Variants in BAZ2B observed in about 807,000 individuals in gnomAD.
BAZ2B encodes bromodomain adjacent to zinc finger domain protein 2B.
Under a neutral mutation model 246.0 loss-of-function variants are expected in BAZ2B, and 91 were observed. The observed-to-expected ratio is 0.37, with a 90% CI of 0.31 to 0.44. The LOEUF (loss-of-function observed/expected upper bound fraction) is 0.44, where lower values mean the gene tolerates loss of function less well. BAZ2B is among the 20% of genes least tolerant of loss of function. The pLI is 1.00. For missense variants in BAZ2B, 2,332 were observed against 2,533.7 expected (o/e 0.92, Z 1.71); for synonymous variants, 855 against 860.0 (o/e 0.99, Z 0.10).
intron 1 of BAZ2B, among the ~76,000 whole-genome samples, chr2:159,577,130 A>G (rs1437361747): frequency 2.0e-5 from 3 of 149,460 alleles, no homozygotes; most frequent in Non-Finnish European, 4.4e-5. Flanking sequence ...CGGAAGGCTG[A>G]GGCAGGAGGA....
intron 27 of BAZ2B, among the ~76,000 whole-genome samples, chr2:159,353,774 A>G (rs930511119): frequency 2.0e-5 from 3 of 152,326 alleles, no homozygotes; most frequent in Admixed American, 6.5e-5. Context: ...ACTCAGAAGG[A>G]TCTTGCTTTA....
chr2:159,625,837 A>C, the BAZ2B span, among the ~76,000 whole-genome samples: 1 of 152,168 alleles, frequency 6.6e-6, no homozygotes, highest in East Asian at 1.9e-4. Flanking sequence ...CTAAACTTAA[A>C]TGTAAACAGG....
At chr2:159,378,669 T>C (rs2061665670) in intron 25 of BAZ2B, among the ~76,000 whole-genome samples, 1 of 151,946 alleles carries the variant, frequency 6.6e-6, no homozygotes, top group Non-Finnish European at 1.5e-5. Flanking sequence ...AGTGAAGACA[T>C]ACAAATGGCC....
chr2:159,663,443 T>C, the BAZ2B span, among the ~76,000 whole-genome samples: 3 of 152,092 alleles, frequency 2.0e-5, no homozygotes, highest in East Asian at 3.9e-4. Context: ...CCTCAGGTGA[T>C]CCTCCCGCCT....
At chr2:159,574,691 A>G (rs1272828485) in intron 1 of BAZ2B, among the ~76,000 whole-genome samples, 1 of 152,250 alleles carries the variant, frequency 6.6e-6, no homozygotes, top group Non-Finnish European at 1.5e-5. Flanking sequence ...ATTTGGTAAG[A>G]AAATGAAATG....
chr2:159,430,220 C>T (rs944529914), intron 10 of BAZ2B, among the ~76,000 whole-genome samples: 1 of 152,110 alleles, frequency 6.6e-6, no homozygotes, highest in African/African-American at 2.4e-5. Context: ...CCTCTGCCAC[C>T]CATGAAACAG....
the BAZ2B span, among the ~76,000 whole-genome samples, chr2:159,710,332 C>T: frequency 6.6e-6 from 1 of 151,902 alleles, no homozygotes; most frequent in African/African-American, 2.4e-5. Flanking sequence ...CCTCAGCCTC[C>T]CAAGTAGCAG....
chr2:159,534,131 G>A (rs78083261), intron 2 of BAZ2B, among the ~76,000 whole-genome samples: 4,748 of 152,124 alleles, frequency 0.031, 250 homozygotes, highest in African/African-American at 0.11. Context: ...AAATACATGG[G>A]GGACTTATAA....
Position 159,331,800 on chromosome 2 carries a change from G to T in BAZ2B, c.5943+740C>A, listed in dbSNP as rs547740887. ...ACGGTTTTACCAAGGGCAGGGGCAG[G>T]CAAAGGACCTAATGGTGGAAGCAAT... On this transcript the variant is annotated intron_variant, in intron 34 of 36. Transcript: ENST00000392783. Among the ~76,000 whole-genome samples the T allele has an allele frequency of 3.3e-5, 5 of 152,318 alleles. No homozygotes were observed. The South Asian group carries it at 1.0e-3, about 32-fold the overall frequency.
chr2:159,377,302 T>C (rs944703451), intron 25 of BAZ2B, among the ~76,000 whole-genome samples: 7 of 152,192 alleles, frequency 4.6e-5, no homozygotes, highest in Non-Finnish European at 1.0e-4. Context: ...CATTAAGTAG[T>C]CAAAATTTTA....
At chr2:159,430,515 G>A (rs1299448192) in intron 10 of BAZ2B, among the ~76,000 whole-genome samples, 3 of 152,106 alleles carry the variant, frequency 2.0e-5, no homozygotes, top group Non-Finnish European at 2.9e-5. Flanking sequence ...ATTGTGTGTG[G>A]GGCCAGTGCC....
chr2:159,589,472 T>G (rs1381014283), intron 1 of BAZ2B, among the ~76,000 whole-genome samples: 1 of 151,920 alleles, frequency 6.6e-6, no homozygotes, highest in Non-Finnish European at 1.5e-5. Flanking sequence ...AGCCACACTG[T>G]GAGGAAAAAA....
At chr2:159,658,109 C>T in the BAZ2B span, among the ~76,000 whole-genome samples, 5 of 152,214 alleles carry the variant, frequency 3.3e-5, no homozygotes, top group African/African-American at 1.2e-4. Context: ...CCCTTCTATT[C>T]TCAGTTTGAA....
the BAZ2B span, among the ~76,000 whole-genome samples, chr2:159,698,586 T>C: frequency 2.0e-5 from 3 of 150,986 alleles, no homozygotes; most frequent in Admixed American, 1.3e-4. Flanking sequence ...CTATATATTA[T>C]ATAGTATTGA....
chr2:159,526,460 A>G (rs911708756), intron 2 of BAZ2B, among the ~76,000 whole-genome samples: 2 of 152,188 alleles, frequency 1.3e-5, no homozygotes, highest in Admixed American at 1.3e-4. Flanking sequence ...AAATATTGGA[A>G]AATGAAAAAA....
In BAZ2B at chr2:159,446,916, C is replaced by T. The variant is rs370498592; in HGVS notation, c.562G>A (p.Val188Ile). The T allele has an allele frequency of 1.9e-6, 3 of 1,610,614 alleles. No individual in the cohort carries two copies. The highest frequency in any genetic ancestry group is 1.7e-5 in the Admixed American group (1 of 59,074). ...GAACTTGAAGCAGTAGTGGATAGTA[C>T]AGATGTGTTGATACCAATTACAGAT... ...TSSVIGINTS[V>I]LSTTASSSMG... Residue 188 changes from valine to isoleucine, a missense_variant, in exon 6 of 37, where the codon GTA becomes ATA. Transcript: ENST00000392783.
At chr2:159,370,862 C>A (rs1354331891) in intron 27 of BAZ2B, among the ~76,000 whole-genome samples, 1 of 152,080 alleles carries the variant, frequency 6.6e-6, no homozygotes, top group East Asian at 1.9e-4. Context: ...AGTGCAATGG[C>A]ACGATCTCGG....
chr2:159,325,373 C>A (rs1033846826), intron 35 of BAZ2B, among the ~76,000 whole-genome samples: 2 of 150,994 alleles, frequency 1.3e-5, no homozygotes, highest in African/African-American at 2.4e-5. Flanking sequence ...TCAGGTGACC[C>A]ACCTGTCTTG....
At chr2:159,691,471 T>A in the BAZ2B span, among the ~76,000 whole-genome samples, 1 of 151,678 alleles carries the variant, frequency 6.6e-6, no homozygotes, top group Non-Finnish European at 1.5e-5. Flanking sequence ...AAGAAAATCA[T>A]GAGAGAAAAT....
Sources: allele counts gnomAD v4.1 joint callset (sites outside exome capture counted in the v4.1 genomes callset), GRCh38; gene constraint gnomAD v4.1.1; transcripts MANE v1.5; gene names NCBI Gene and HGNC (gene_info 2026-07-23, HGNC 2026-07-21).